Variants in CFAP91 observed in about 807,000 individuals in gnomAD.
The protein encoded by CFAP91 is cilia and flagella associated protein 91, also known as cilia- and flagella-associated protein 91.
In CFAP91, 85 loss-of-function variants were observed where a neutral mutation model predicts 95.9. The ratio of observed to expected loss-of-function variants is 0.89; its 90% CI spans 0.74 to 1.06. CFAP91 has a LOEUF of 1.06. Ranked by LOEUF, CFAP91 falls within the 50% of genes least tolerant of loss-of-function variation. CFAP91 has a pLI of 0.00. For missense variants in CFAP91, 962 were observed against 943.4 expected, an observed-to-expected ratio of 1.02 and a Z score of -0.26; for synonymous variants, 335 against 327.5, an observed-to-expected ratio of 1.02 and a Z score of -0.25.
chr3:119,753,201 A>C (rs2054358601), intron 17 of CFAP91, among the ~76,000 whole-genome samples: 1 of 152,186 alleles, frequency 6.6e-6, no homozygotes, highest in Admixed American at 6.5e-5. Flanking sequence ...ACAATTCTAG[A>C]AAATGTGGCT....
intron 17 of CFAP91, among the ~76,000 whole-genome samples, chr3:119,764,073 C>T (rs1214316668): frequency 6.6e-6 from 1 of 152,096 alleles, no homozygotes; most frequent in Non-Finnish European, 1.5e-5. Context: ...TTCAAACCAT[C>T]ATGCTGTACC....
intron 5 of CFAP91, chr3:119,713,035 T>A (rs2053501872): frequency 6.6e-6 from 1 of 152,042 alleles, no homozygotes; most frequent in Non-Finnish European, 1.5e-5. Context: ...AAACAGGTAT[T>A]TCTTTCTAAC....
intron 10 of CFAP91, among the ~76,000 whole-genome samples, chr3:119,734,753 T>C (rs1007793171): frequency 2.0e-5 from 3 of 152,204 alleles, no homozygotes; most frequent in Non-Finnish European, 2.9e-5. Context: ...ATTTTGACTA[T>C]GTATGGGGTT....
At chr3:119,707,643 A>G in intron 3 of CFAP91, 82 bp downstream of exon 3, 1 of 1,355,496 alleles carries the variant, frequency 7.4e-7, no homozygotes, top group Non-Finnish European at 9.7e-7. Context: ...GTGGTTTTAA[A>G]ATGTTCAGTT....
At chr3:119,748,408 C>T (rs933052141) in intron 16 of CFAP91, among the ~76,000 whole-genome samples, 7 of 152,046 alleles carry the variant, frequency 4.6e-5, no homozygotes, top group African/African-American at 1.4e-4. Flanking sequence ...TCACCGGTGG[C>T]ATGTTTTTAA....
intron 14 of CFAP91, 40 bp from the exon 15 acceptor site, chr3:119,747,075 A>G (rs1433755143): frequency 2.1e-6 from 3 of 1,461,854 alleles, no homozygotes; most frequent in Admixed American, 2.3e-5. Flanking sequence ...TGTTTACAAC[A>G]GCATACCTGT....
At position 119,733,344 on chromosome 3, in the gene CFAP91, CAT is replaced by C. The variant is rs755426021; in HGVS notation, c.1202-19_1202-18del. 8.7e-6 allele frequency: 14 copies of C among 1,612,094 alleles called. No homozygotes were observed. Among genetic ancestry groups the C allele is most frequent in the Middle Eastern group, 3.3e-4 (2 of 6,056 alleles). Reference sequence around the variant, plus strand: ...AAACGTAAGCACTGGATACTAAAAACATGTGCTTCCTTCCCATAGGATTAGTG... The same window carrying C: ...AAACGTAAGCACTGGATACTAAAAACGTGCTTCCTTCCCATAGGATTAGTG... On this transcript the variant is annotated intron_variant, in intron 9 of 17. Transcript: ENST00000273390.
chr3:119,707,732 G>GATAGATATATATATATAT (rs1553704805), intron 3 of CFAP91, among the ~76,000 whole-genome samples, 171 bp downstream of exon 3: 20 of 142,474 alleles, frequency 1.4e-4, no homozygotes, highest in South Asian at 1.1e-3. Context: ...GTATATATGA[G>GATAGATATATATATATAT]ATATATATAT....
intron 13 of CFAP91, among the ~76,000 whole-genome samples, chr3:119,741,919 G>A (rs1264864896): frequency 6.6e-6 from 1 of 152,168 alleles, no homozygotes; most frequent in Admixed American, 6.5e-5. Flanking sequence ...CAGGCTGTGA[G>A]ATCCAACAGA....
intron 14 of CFAP91, among the ~76,000 whole-genome samples, chr3:119,746,857 T>C (rs2054229508): frequency 6.6e-6 from 1 of 152,180 alleles, no homozygotes. Flanking sequence ...CCTTCAGCAG[T>C]GCTGTCTTGC....
At chr3:119,722,111 A>T (rs2053696548) in intron 6 of CFAP91, among the ~76,000 whole-genome samples, 2 of 150,840 alleles carry the variant, frequency 1.3e-5, no homozygotes, top group South Asian at 4.2e-4. Context: ...TCAAGGTTAC[A>T]GTGTACAGTG....
At chr3:119,750,891 T>C in intron 16 of CFAP91, 46 bp from the exon 17 acceptor site, 1 of 1,608,312 alleles carries the variant, frequency 6.2e-7, no homozygotes, top group Non-Finnish European at 8.5e-7. Flanking sequence ...GGGAATGGTT[T>C]TGTTCAGACT....
chr3:119,707,378 C>T (rs781624340), intron 2 of CFAP91, 26 bp from the exon 3 acceptor site: 1 of 1,495,222 alleles, frequency 6.7e-7, no homozygotes, highest in Non-Finnish European at 9.0e-7. Flanking sequence ...ATAATTTTGT[C>T]CTTTGCCTCC....
chr3:119,708,284 AT>A (rs1240992751), intron 3 of CFAP91, among the ~76,000 whole-genome samples: 20 of 138,444 alleles, frequency 1.4e-4, no homozygotes, highest in African/African-American at 5.0e-4. Flanking sequence ...AAAAAAAAAA[AT>A]TGTCTTTTAA....
chr3:119,705,468 C>T (rs139550612), intron 1 of CFAP91, among the ~76,000 whole-genome samples: 65 of 152,288 alleles, frequency 4.3e-4, no homozygotes, highest in African/African-American at 1.6e-3. Context: ...ATTCTTCAGA[C>T]GTATCAGGCA....
At position 119,726,288 on chromosome 3, in the gene CFAP91, G is replaced by A; in HGVS notation, c.800G>A (p.Arg267Lys). Reference protein sequence around the residue: ...LSDTSQFEKRRKMMNEMERKE... With the variant: ...LSDTSQFEKRKKMMNEMERKE... ...GACACCTCCCAGTTTGAGAAGAGGA[G>A]GAAAATGATGAATGAAATGGAGAGG... is the stretch of plus-strand genomic sequence containing the variant. Residue 267 changes from arginine (R) to lysine (K), a missense_variant, in exon 7 of 18, where the codon AGG becomes AAG. Transcript: ENST00000273390. 6.2e-7 allele frequency: 1 copy of A among 1,613,858 alleles called. No homozygotes were observed. Among genetic ancestry groups the A allele is most frequent in the East Asian group, 2.2e-5 (1 of 44,866 alleles).
chr3:119,709,239 G>GA (rs1440076277), intron 4 of CFAP91, among the ~76,000 whole-genome samples: 3 of 152,146 alleles, frequency 2.0e-5, no homozygotes, highest in African/African-American at 4.8e-5. Context: ...ACTGGAGTTA[G>GA]AAAAAATAGT....
intron 17 of CFAP91, among the ~76,000 whole-genome samples, chr3:119,763,358 C>T (rs1261508851): frequency 6.6e-6 from 1 of 151,998 alleles, no homozygotes; most frequent in Non-Finnish European, 1.5e-5. Context: ...AACCGTTGCA[C>T]ATTGTTGGTG....
At chr3:119,734,547 A>G (rs1306054156) in intron 10 of CFAP91, among the ~76,000 whole-genome samples, 1 of 152,130 alleles carries the variant, frequency 6.6e-6, no homozygotes, top group Admixed American at 6.5e-5. Flanking sequence ...CAATTTTTGT[A>G]TATTTTTTAA....
Sources: allele counts gnomAD v4.1 joint callset (sites outside exome capture counted in the v4.1 genomes callset), GRCh38; gene constraint gnomAD v4.1.1; transcripts MANE v1.5; gene names NCBI Gene and HGNC (gene_info 2026-07-23, HGNC 2026-07-21).